Variants in PCDH9 observed in about 807,000 individuals in gnomAD.
The protein encoded by PCDH9 is protocadherin 9, also known as protocadherin-9.
A neutral mutation model predicts 70.6 loss-of-function variants in PCDH9; 24 were observed. That is an observed-to-expected ratio of 0.34 (90% CI 0.25 to 0.48). The LOEUF (loss-of-function observed/expected upper bound fraction) is 0.48, where lower values mean the gene tolerates loss of function less well. PCDH9 is among the 20% of genes least tolerant of loss of function. PCDH9 has a pLI of 0.99. For synonymous variants in PCDH9, 562 were observed against 558.5 expected (o/e 1.01, Z -0.09); for missense variants, 1,281 against 1,503.6 (o/e 0.85, Z 2.45).
intron 3 of PCDH9, among the ~76,000 whole-genome samples, chr13:66,659,691 T>G (rs2077981924): frequency 6.6e-6 from 1 of 152,094 alleles, no homozygotes; most frequent in South Asian, 2.1e-4. Context: ...TTTTTTCTGT[T>G]ACTGCTTCTG....
At chr13:66,393,735 T>C (rs1957057589) in intron 4 of PCDH9, among the ~76,000 whole-genome samples, 1 of 152,198 alleles carries the variant, frequency 6.6e-6, no homozygotes, top group African/African-American at 2.4e-5. Flanking sequence ...CAAGGTTAAC[T>C]GAAGATAAGG....
intron 2 of PCDH9, among the ~76,000 whole-genome samples, chr13:67,054,427 A>G (rs1362307099): frequency 1.3e-5 from 2 of 152,146 alleles, no homozygotes; most frequent in Admixed American, 1.3e-4. Flanking sequence ...TGTTGGTTTC[A>G]TTATAGTTGA....
chr13:66,572,965 CA>C (rs2076755077), intron 4 of PCDH9, among the ~76,000 whole-genome samples: 1 of 152,004 alleles, frequency 6.6e-6, no homozygotes, highest in South Asian at 2.1e-4. Flanking sequence ...TGATGTTGCC[CA>C]GGCTGGTAGT....
At chr13:66,798,661 T>C (rs1019723684) in intron 3 of PCDH9, among the ~76,000 whole-genome samples, 1 of 152,170 alleles carries the variant, frequency 6.6e-6, no homozygotes, top group African/African-American at 2.4e-5. Flanking sequence ...CTTCATCGCC[T>C]TCCCAATATC....
At chr13:66,415,053 A>G (rs1593940720) in intron 4 of PCDH9, among the ~76,000 whole-genome samples, 1 of 152,174 alleles carries the variant, frequency 6.6e-6, no homozygotes, top group Non-Finnish European at 1.5e-5. Context: ...GAAAATGTAC[A>G]TGAGGGAAAT....
At chr13:66,953,967 C>A (rs2139708103) in intron 2 of PCDH9, among the ~76,000 whole-genome samples, 1 of 152,212 alleles carries the variant, frequency 6.6e-6, no homozygotes, top group South Asian at 2.1e-4. Flanking sequence ...TTCAGGAAAA[C>A]AACTAAAATT....
At chr13:66,513,508 C>T (rs926322192) in intron 4 of PCDH9, among the ~76,000 whole-genome samples, 2 of 151,966 alleles carry the variant, frequency 1.3e-5, no homozygotes, top group Admixed American at 1.3e-4. Flanking sequence ...AAGACAAAAA[C>T]TACAGGCCCA....
intron 3 of PCDH9, among the ~76,000 whole-genome samples, chr13:66,725,274 T>C (rs942302280): frequency 6.6e-6 from 1 of 152,200 alleles, no homozygotes; most frequent in East Asian, 1.9e-4. Flanking sequence ...ACCTACTTGG[T>C]TGATTGTCCA....
intron 2 of PCDH9, among the ~76,000 whole-genome samples, chr13:66,988,555 G>A (rs1441447683): frequency 1.3e-5 from 2 of 151,978 alleles, no homozygotes; most frequent in Admixed American, 1.3e-4. Flanking sequence ...TTATTGGAGA[G>A]TATTGCTATA....
At chr13:67,191,825 TGAAA>T (rs2088922206) in intron 2 of PCDH9, among the ~76,000 whole-genome samples, 1 of 152,116 alleles carries the variant, frequency 6.6e-6, no homozygotes, top group Non-Finnish European at 1.5e-5. Context: ...AGAAACTGTA[TGAAA>T]GAAAGAAATT....
At chr13:66,949,894 C>T (rs1378817292) in intron 2 of PCDH9, among the ~76,000 whole-genome samples, 1 of 151,918 alleles carries the variant, frequency 6.6e-6, no homozygotes, top group East Asian at 1.9e-4. Flanking sequence ...CATAGAAAGG[C>T]ATTTAAGGTC....
At chr13:66,856,051 G>C (rs2081390047) in intron 3 of PCDH9, among the ~76,000 whole-genome samples, 1 of 151,984 alleles carries the variant, frequency 6.6e-6, no homozygotes, top group South Asian at 2.1e-4. Context: ...TATAGGTATA[G>C]GTTTTTACTT....
intron 4 of PCDH9, among the ~76,000 whole-genome samples, chr13:66,527,446 C>G (rs750871834): frequency 9.2e-5 from 14 of 152,056 alleles, no homozygotes; most frequent in Admixed American, 2.0e-4. Context: ...TTCATCTTTG[C>G]CCCTCCCTTT....
At chr13:66,851,904 G>T (rs1040255474) in intron 3 of PCDH9, among the ~76,000 whole-genome samples, 1 of 152,052 alleles carries the variant, frequency 6.6e-6, no homozygotes, top group Non-Finnish European at 1.5e-5. Flanking sequence ...CAGCCAATCT[G>T]GTTTCTGGTA....
intron 4 of PCDH9, among the ~76,000 whole-genome samples, chr13:66,367,782 G>A (rs1050179524): frequency 3.3e-5 from 5 of 152,212 alleles, no homozygotes; most frequent in African/African-American, 1.2e-4. Flanking sequence ...ATTAAAATGA[G>A]TAGGGAAAGC....
chr13:66,807,460 T>G (rs979025720), intron 3 of PCDH9, among the ~76,000 whole-genome samples: 1 of 152,186 alleles, frequency 6.6e-6, no homozygotes, highest in Admixed American at 6.5e-5. Flanking sequence ...ATATAAGAAC[T>G]TGCAGCTGGG....
chr13:66,351,755 T>C (rs1956294794), intron 4 of PCDH9, among the ~76,000 whole-genome samples: 1 of 151,998 alleles, frequency 6.6e-6, no homozygotes, highest in African/African-American at 2.4e-5. Context: ...TCTTCTCAAC[T>C]CTGGTCCATT....
Position 66,542,681 on chromosome 13 carries a change from TA to T in PCDH9, c.3340+88528del, listed in dbSNP as rs1389552627. On this transcript the variant is annotated intron_variant, in intron 4 of 4. Coordinates refer to ENST00000377865, the MANE Select transcript of PCDH9 (RefSeq NM_203487.3). Reference sequence around the variant, plus strand: ...AGTCAAATATATATATATTTAAATATATATATGTTTAAATATATATATATAA... The same window carrying T: ...AGTCAAATATATATATATTTAAATATTATATGTTTAAATATATATATATAA... Among the ~76,000 whole-genome samples, 10 of 94,632 alleles carry T rather than the reference TA, an allele frequency of 1.1e-4. No individual in the cohort carries two copies. The Admixed American group carries it at 1.3e-3, about 12-fold the overall frequency. 62.1% of individuals were successfully genotyped at this position (94,632 alleles called of 152,430 possible).
rs542962278 is a variant in PCDH9 at position 66,518,190 on chromosome 13, G to A, written c.3340+113020C>T. Among the ~76,000 whole-genome samples the A allele has an allele frequency of 2.0e-5, 3 of 151,924 alleles. No homozygotes were observed. The East Asian group carries it at 5.8e-4, about 29-fold the overall frequency. On this transcript the variant is annotated intron_variant, in intron 4 of 4. Transcript: ENST00000377865. ...GCAAAAACAGGAAAAACAGAGGAGG[G>A]GAGGTGCCACACACTTTTAAACACC...
Sources: gnomAD v4.1 joint callset for allele counts (sites outside exome capture counted in the v4.1 genomes callset) on GRCh38, gnomAD v4.1.1 for gene constraint, MANE v1.5 for transcripts, NCBI Gene and HGNC (gene_info 2026-07-23, HGNC 2026-07-21) for gene names.